Variants in SPATA6 observed in about 807,000 individuals in gnomAD.
The protein encoded by SPATA6 is spermatogenesis associated 6.
Under a neutral mutation model 65.3 loss-of-function variants are expected in SPATA6, and 56 were observed. That is an observed-to-expected ratio of 0.86 (90% CI 0.69 to 1.07). SPATA6 has a LOEUF of 1.07. Ranked by LOEUF, SPATA6 falls within the 50% of genes least tolerant of loss-of-function variation. The pLI is 0.00. For synonymous variants in SPATA6, 199 were observed against 213.2 expected (o/e 0.93, Z 0.58); for missense variants, 590 against 594.8 (o/e 0.99, Z 0.08).
chr1:48,313,650 A>C (rs1235959049), intron 11 of SPATA6, among the ~76,000 whole-genome samples: 2 of 152,210 alleles, frequency 1.3e-5, no homozygotes, highest in South Asian at 2.1e-4. Flanking sequence ...TGAGCAAAAT[A>C]ACCAGATAAC....
chr1:48,310,059 G>A (rs1437186960), intron 11 of SPATA6, among the ~76,000 whole-genome samples: 1 of 152,192 alleles, frequency 6.6e-6, no homozygotes, highest in Non-Finnish European at 1.5e-5. Flanking sequence ...GGAATGTGTG[G>A]TAGCTTTTCA....
chr1:48,448,100 A>G (rs1656227227), intron 3 of SPATA6: 1 of 152,088 alleles, frequency 6.6e-6, no homozygotes, highest in Admixed American at 6.6e-5. Context: ...TCTCTACAAA[A>G]AAATAAAAAA....
intron 11 of SPATA6, among the ~76,000 whole-genome samples, chr1:48,331,115 G>A (rs1390371451): frequency 2.0e-5 from 3 of 152,270 alleles, no homozygotes; most frequent in African/African-American, 4.8e-5. Flanking sequence ...CTGAAAGAAC[G>A]TAAGACCACA....
chr1:48,459,398 G>C (rs2148180826), intron 1 of SPATA6, among the ~76,000 whole-genome samples: 1 of 151,914 alleles, frequency 6.6e-6, no homozygotes, highest in Non-Finnish European at 1.5e-5. Flanking sequence ...GGATAAAGTG[G>C]AACATTTCAT....
intron 3 of SPATA6, among the ~76,000 whole-genome samples, chr1:48,426,760 A>G: frequency 6.6e-6 from 1 of 152,168 alleles, no homozygotes; most frequent in Non-Finnish European, 1.5e-5. Flanking sequence ...CTACAATGAC[A>G]GCAGCCAAAA....
chr1:48,429,218 G>T (rs137953884), intron 3 of SPATA6, among the ~76,000 whole-genome samples: 156 of 151,964 alleles, frequency 1.0e-3, no homozygotes, highest in African/African-American at 3.7e-3. Context: ...GAGCCTTATG[G>T]CCATGTTGTT....
At chr1:48,299,115 TTG>T (rs1393794556) in intron 12 of SPATA6, among the ~76,000 whole-genome samples, 1 of 152,018 alleles carries the variant, frequency 6.6e-6, no homozygotes, top group African/African-American at 2.4e-5. Flanking sequence ...AATGAAAATT[TTG>T]TGTTAGAGTG....
chr1:48,469,466 ATCTATT>A (rs1039515057), intron 1 of SPATA6, among the ~76,000 whole-genome samples: 13 of 48,610 alleles, frequency 2.7e-4, no homozygotes, highest in African/African-American at 8.7e-4. Flanking sequence ...AAAAACAAAT[ATCTATT>A]TATATATATA....
Position 48,295,698 on chromosome 1 carries a change from A to T in SPATA6, c.*3015T>A, listed in dbSNP as rs1644801994. The T allele has an allele frequency of 6.6e-6, 1 of 152,216 alleles. No individual in the cohort carries two copies. Among genetic ancestry groups the T allele is most frequent in the Admixed American group, 6.5e-5 (1 of 15,282 alleles). 9.4% of individuals were successfully genotyped at this position (152,216 alleles called of 1,614,324 possible). ...CTGTGAATATAGTAAAAACCACTTA[A>T]TTGTATACTTTTTCAGAGTGAATTA... On this transcript the variant is annotated 3_prime_UTR_variant, in exon 13 of 13. Coordinates refer to ENST00000371847, the MANE Select transcript of SPATA6 (RefSeq NM_019073.4).
intron 8 of SPATA6, among the ~76,000 whole-genome samples, chr1:48,391,112 C>T (rs1650015077): frequency 6.6e-6 from 1 of 151,382 alleles, no homozygotes; most frequent in Non-Finnish European, 1.5e-5. Flanking sequence ...TACTTGTAAT[C>T]CCAGCACTTT....
At chr1:48,379,612 G>A (rs1648316330) in intron 9 of SPATA6, among the ~76,000 whole-genome samples, 1 of 152,132 alleles carries the variant, frequency 6.6e-6, no homozygotes, top group South Asian at 2.1e-4. Context: ...TGCTAAGACA[G>A]ATTTGTCTTA....
At chr1:48,392,143 T>C (rs995749202) in intron 8 of SPATA6, among the ~76,000 whole-genome samples, 8 of 152,172 alleles carry the variant, frequency 5.3e-5, no homozygotes, top group Admixed American at 5.2e-4. Context: ...ATTTGAAATG[T>C]TATTTCTATT....
chr1:48,326,529 A>G (rs983236563), intron 11 of SPATA6, among the ~76,000 whole-genome samples: 11 of 151,820 alleles, frequency 7.2e-5, no homozygotes, highest in Non-Finnish European at 1.2e-4. Flanking sequence ...AACAAAAAAA[A>G]AAAAAAAGAA....
chr1:48,389,930 C>A (rs541624180), intron 8 of SPATA6, among the ~76,000 whole-genome samples: 2 of 152,106 alleles, frequency 1.3e-5, no homozygotes, highest in South Asian at 2.1e-4. Context: ...ACCACAATGA[C>A]AAACAATAAG....
chr1:48,408,946 C>T (rs1358689430), intron 5 of SPATA6, among the ~76,000 whole-genome samples: 2 of 152,140 alleles, frequency 1.3e-5, no homozygotes, highest in African/African-American at 4.8e-5. Context: ...GACCCAGAAC[C>T]ACACCACATC....
intron 3 of SPATA6, among the ~76,000 whole-genome samples, chr1:48,439,502 A>T (rs1389117961): frequency 6.6e-6 from 1 of 152,096 alleles, no homozygotes; most frequent in Non-Finnish European, 1.5e-5. Context: ...TGCATCAGTG[A>T]GTGCAACTAG....
chr1:48,346,670 C>T (rs1005021056), intron 11 of SPATA6, among the ~76,000 whole-genome samples: 1 of 151,964 alleles, frequency 6.6e-6, no homozygotes, highest in African/African-American at 2.4e-5. Flanking sequence ...TATACACCAA[C>T]AATAGTCAAG....
At chr1:48,314,587 C>G (rs1645342854) in intron 11 of SPATA6, among the ~76,000 whole-genome samples, 2 of 152,242 alleles carry the variant, frequency 1.3e-5, no homozygotes, top group South Asian at 4.2e-4. Context: ...CAAGAGAAAG[C>G]AGGAAAGATC....
intron 11 of SPATA6, among the ~76,000 whole-genome samples, chr1:48,348,146 T>A (rs966488496): frequency 1.3e-5 from 2 of 152,012 alleles, no homozygotes; most frequent in African/African-American, 4.8e-5. Flanking sequence ...GTGATTACAA[T>A]TTCTCCACCC....
Sources: gnomAD v4.1 joint callset for allele counts (sites outside exome capture counted in the v4.1 genomes callset) on GRCh38, gnomAD v4.1.1 for gene constraint, MANE v1.5 for transcripts, NCBI Gene and HGNC (gene_info 2026-07-23, HGNC 2026-07-21) for gene names.